GNE: variants seen among roughly 807,000 people sequenced by gnomAD.
The protein encoded by GNE is glucosamine (UDP-N-acetyl)-2-epimerase/N-acetylmannosamine kinase.
In GNE, 41 loss-of-function variants were observed where a neutral mutation model predicts 61.8. The observed-to-expected ratio is 0.66, with a 90% CI of 0.52 to 0.86. The LOEUF (loss-of-function observed/expected upper bound fraction) is 0.86, where lower values mean the gene tolerates loss of function less well. Ranked by LOEUF, GNE falls within the 40% of genes least tolerant of loss-of-function variation. The probability of loss-of-function intolerance (pLI) is 0.00; values close to 1 mark genes in which losing one functional copy is unlikely to be tolerated. For synonymous variants in GNE, 264 were observed against 326.4 expected (o/e 0.81, Z 2.06); for missense variants, 608 against 909.1 (o/e 0.67, Z 4.26).
intron 6 of GNE, 36 bp from the exon 7 acceptor site, chr9:36,227,494 T>G (rs1218726953): frequency 7.8e-7 from 1 of 1,276,456 alleles, no homozygotes; most frequent in East Asian, 2.3e-5. Flanking sequence ...ATTATATGCT[T>G]CTGCCATACA....
chr9:36,266,336 A>G (rs1005744443), intron 1 of GNE, among the ~76,000 whole-genome samples: 4 of 152,374 alleles, frequency 2.6e-5, no homozygotes, highest in Admixed American at 1.3e-4. Context: ...CACACCTTAC[A>G]AACCAGATAT....
At chr9:36,273,110 T>C (rs116528544) in intron 1 of GNE, among the ~76,000 whole-genome samples, 2,694 of 152,008 alleles carry the variant, frequency 0.018, 83 homozygotes, top group African/African-American at 0.058. Context: ...AGCTTTAATT[T>C]TGGATATGTT....
At chr9:36,235,489 C>G (rs992107700) in intron 4 of GNE, among the ~76,000 whole-genome samples, 1 of 151,800 alleles carries the variant, frequency 6.6e-6, no homozygotes, top group Non-Finnish European at 1.5e-5. Context: ...CCTTTACTTT[C>G]ATAGAAAAAA....
At chr9:36,256,239 CTTTTTT>C (rs34215482) in intron 1 of GNE, among the ~76,000 whole-genome samples, 66 of 55,978 alleles carry the variant, frequency 1.2e-3, no homozygotes, top group African/African-American at 4.4e-3. Flanking sequence ...AAACCCAATT[CTTTTTT>C]TTTTTTTTTT....
intron 1 of GNE, among the ~76,000 whole-genome samples, chr9:36,266,564 A>G (rs1295595349): frequency 1.3e-5 from 2 of 151,770 alleles, no homozygotes; most frequent in African/African-American, 4.8e-5. Context: ...ACCTGAGGTC[A>G]GGACTTTGAG....
intron 6 of GNE, 64 bp downstream of exon 6, chr9:36,228,938 ATTAAACAGTGATTGTAGCT>A: frequency 1.2e-6 from 1 of 862,386 alleles, no homozygotes; most frequent in East Asian, 2.4e-5. Flanking sequence ...TGTTAGGATG[ATTAAACAGTGATTGTAGCT>A]TTAAAATGGT....
chr9:36,274,509 C>G (rs1314139346), intron 1 of GNE, among the ~76,000 whole-genome samples: 1 of 152,138 alleles, frequency 6.6e-6, no homozygotes, highest in Non-Finnish European at 1.5e-5. Context: ...TTAACCCCTT[C>G]TTTTTCACAC....
At chr9:36,251,732 G>A (rs1830111367) in intron 1 of GNE, among the ~76,000 whole-genome samples, 1 of 152,100 alleles carries the variant, frequency 6.6e-6, no homozygotes, top group Non-Finnish European at 1.5e-5. Context: ...TCCAATTCTA[G>A]GGGTGCCATC....
At position 36,234,074 on chromosome 9, in the gene GNE, A is replaced by T. The variant is rs770346895; in HGVS notation, c.828T>A (p.Phe276Leu). Residue 276 changes from phenylalanine to leucine, a missense_variant, in exon 5 of 12, where the codon TTT becomes TTA. Transcript: ENST00000642385. ...CAAATGGGACGTGTTTAACTGCACG[A>T]AAGTTGGGATGATGCTCAATGCCCT... ...RKKGIEHHPN[F>L]RAVKHVPFDQ... The T allele has an allele frequency of 6.2e-7, 1 of 1,614,186 alleles. No individual in the cohort carries two copies. The highest frequency in any genetic ancestry group is 8.5e-7 in the Non-Finnish European group (1 of 1,180,008).
At chr9:36,272,318 CTTAA>C (rs1359314168) in intron 1 of GNE, among the ~76,000 whole-genome samples, 1 of 151,998 alleles carries the variant, frequency 6.6e-6, no homozygotes, top group Admixed American at 6.6e-5. Flanking sequence ...ATCAGATTTG[CTTAA>C]TTAGAGCTAC....
chr9:36,257,801 T>TAAAAAAAAAAAAAAAAA (rs1563955404), intron 1 of GNE, among the ~76,000 whole-genome samples: 1 of 5,362 alleles, frequency 1.9e-4, no homozygotes, highest in African/African-American at 7.1e-4. Context: ...AGACTCAGTC[T>TAAAAAAAAAAAAAAAAA]CAAAAAAAAA....
intron 3 of GNE, among the ~76,000 whole-genome samples, chr9:36,241,222 T>G (rs968862691): frequency 1.3e-5 from 2 of 152,038 alleles, no homozygotes; most frequent in African/African-American, 4.8e-5. Context: ...TTCAAGCAAT[T>G]CTCCTGCCTC....
chr9:36,273,601 T>G (rs1254032661), intron 1 of GNE, among the ~76,000 whole-genome samples: 1 of 151,942 alleles, frequency 6.6e-6, no homozygotes, highest in East Asian at 1.9e-4. Context: ...CCTACCTGTT[T>G]CACCAGATTT....
chr9:36,218,286 C>G lies in GNE; in HGVS notation c.1830G>C (p.Leu610Phe). 1 of 1,613,204 alleles carries G rather than the reference C, an allele frequency of 6.2e-7. No homozygotes were observed. The highest frequency in any genetic ancestry group is 8.5e-7 in the Non-Finnish European group (1 of 1,179,170). Reference sequence around the variant, plus strand: ...CTTTTGGCACTGACATCCCTTCCACCAAGAGCAGGTCCTCTGAACAGAGTG... The same window carrying G: ...CTTTTGGCACTGACATCCCTTCCACGAAGAGCAGGTCCTCTGAACAGAGTG... ...AKKLHDEDLL[L>F]VEGMSVPKDE... Residue 610 changes from leucine (L) to phenylalanine (F), a missense_variant, in exon 11 of 12, where the codon TTG becomes TTC. Leu to Phe is a conservative substitution (Grantham distance 22). Coordinates refer to ENST00000642385, the MANE Select transcript of GNE (RefSeq NM_005476.7). The surrounding 1 kb of genome is among the most constrained non-coding windows in gnomAD (Gnocchi z 4.1).
chr9:36,276,836 CCT>C (rs762193321), intron 1 of GNE: 56 of 1,298,336 alleles, frequency 4.3e-5, no homozygotes, highest in Non-Finnish European at 5.8e-5. Context: ...CTTTTTCCCC[CCT>C]TTTTTTCTGA....
rs528039249 is a variant in GNE, at chr9:36,258,373, G to A, written c.-95C>T. On this transcript the variant is annotated 5_prime_UTR_variant, in exon 1 of 12. Coordinates refer to ENST00000642385, the MANE Select transcript of GNE (RefSeq NM_005476.7). ...GCCGCCACCGCGCTCCTCGGGCGAG[G>A]GACGAACCAAGCGCCACGAAGCAGG... The A allele has an allele frequency of 1.1e-5, 11 of 985,548 alleles. No individual in the cohort carries two copies. The African/African-American group carries it at 1.6e-4, about 14-fold the overall frequency. The allele number at this position is 985,548 out of a possible 1,614,324, so 61.1% of individuals were successfully genotyped here.
chr9:36,249,753 G>C (rs559515174), intron 1 of GNE, among the ~76,000 whole-genome samples: 1 of 151,954 alleles, frequency 6.6e-6, no homozygotes, highest in Admixed American at 6.6e-5. Context: ...GCGTGGTGGC[G>C]GGTACCTGTA....
At chr9:36,236,497 A>G (rs7027696) in intron 4 of GNE, among the ~76,000 whole-genome samples, 115,299 of 152,136 alleles carry the variant, frequency 0.76, 44,175 homozygotes, top group Non-Finnish European at 0.8. Flanking sequence ...ACCGTGCCCG[A>G]CCATCTTTCA....
chr9:36,245,756 G>A lies in GNE; in HGVS notation c.616+275C>T, dbSNP rs573971342. Among the ~76,000 whole-genome samples the A allele has an allele frequency of 1.3e-4, 20 of 152,222 alleles. 1 individual carries two copies. The South Asian group carries it at 3.7e-3, about 28-fold the overall frequency. On this transcript the variant is annotated intron_variant, in intron 3 of 11. Transcript: ENST00000642385. Reference sequence around the variant, plus strand: ...CTCCCCCTTTTGACATATTAGGATCGTTCTTATAACTAATATATTTAATGG... The same window carrying A: ...CTCCCCCTTTTGACATATTAGGATCATTCTTATAACTAATATATTTAATGG...
Sources: gnomAD v4.1 joint callset for allele counts (sites outside exome capture counted in the v4.1 genomes callset) on GRCh38, gnomAD v4.1.1 for gene constraint, Gnocchi (gnomAD v3.1) non-coding constraint, MANE v1.5 for transcripts, NCBI Gene and HGNC (gene_info 2026-07-23, HGNC 2026-07-21) for gene names.